Variants in ADGRV1 observed in about 807,000 individuals in gnomAD.
ADGRV1 encodes the protein G-protein coupled receptor 98.
ADGRV1 carries 359 observed loss-of-function variants against 596.2 expected under a neutral mutation model. That is an observed-to-expected ratio of 0.60 (90% CI 0.55 to 0.66). The LOEUF is 0.66. ADGRV1 is among the 30% of genes least tolerant of loss of function. The probability of loss-of-function intolerance (pLI) is 0.00; values close to 1 mark genes in which losing one functional copy is unlikely to be tolerated. For synonymous variants in ADGRV1, 2,681 were observed against 2,679.2 expected (o/e 1.00, Z -0.02); for missense variants, 7,274 against 7,575.6 (o/e 0.96, Z 1.48).
At chr5:90,702,616 T>A (rs1024595398) in intron 34 of ADGRV1, among the ~76,000 whole-genome samples, 1 of 151,908 alleles carries the variant, frequency 6.6e-6, no homozygotes, top group East Asian at 1.9e-4. Context: ...GTTTAAAAAA[T>A]ACTTGAAAAT....
At chr5:91,049,109 A>G (rs1042302235) in intron 85 of ADGRV1, among the ~76,000 whole-genome samples, 1 of 152,218 alleles carries the variant, frequency 6.6e-6, no homozygotes, top group African/African-American at 2.4e-5. Flanking sequence ...ACCAATTGAT[A>G]ATTATCCATG....
intron 50 of ADGRV1, among the ~76,000 whole-genome samples, chr5:90,731,967 G>A (rs1752608421): frequency 2.0e-5 from 3 of 152,150 alleles, no homozygotes; most frequent in South Asian, 4.2e-4. Context: ...TTAATGTCTG[G>A]TTTAATACAT....
At chr5:91,056,958 A>C (rs565058027) in intron 85 of ADGRV1, among the ~76,000 whole-genome samples, 1 of 152,380 alleles carries the variant, frequency 6.6e-6, no homozygotes, top group South Asian at 2.1e-4. Context: ...TAGCAAAAAA[A>C]CCATAAATCG....
At chr5:91,060,066 C>T (rs914420683) in intron 85 of ADGRV1, among the ~76,000 whole-genome samples, 1 of 152,114 alleles carries the variant, frequency 6.6e-6, no homozygotes, top group African/African-American at 2.4e-5. Context: ...GGCTCTGCAA[C>T]AGAGCTGAGT....
At chr5:90,681,278 AT>A (rs368491786) in intron 26 of ADGRV1, 36 bp from the exon 27 acceptor site, 644 of 1,444,798 alleles carry the variant, frequency 4.5e-4, no homozygotes, top group Middle Eastern at 1.1e-3. Flanking sequence ...ACTGATCATC[AT>A]TTTTTTTTTC....
chr5:91,135,042 C>A (rs1349986144), intron 87 of ADGRV1, among the ~76,000 whole-genome samples: 2 of 151,896 alleles, frequency 1.3e-5, no homozygotes, highest in Non-Finnish European at 2.9e-5. Context: ...ATTAGCTGGG[C>A]ATTTGGCACA....
intron 85 of ADGRV1, among the ~76,000 whole-genome samples, chr5:90,987,362 C>T (rs1167667969): frequency 5.3e-5 from 8 of 149,944 alleles, no homozygotes; most frequent in Admixed American, 1.3e-4. Flanking sequence ...CTCAGCTACC[C>T]GGGAGGCTGC....
In ADGRV1 at chr5:91,014,306, G is replaced by T. The variant is rs752602277; in HGVS notation, c.18152+28784G>T. 2.6e-5 allele frequency among the ~76,000 whole-genome samples: 4 copies of T among 151,862 alleles called. No individual in the cohort carries two copies. In the South Asian group the frequency reaches 6.2e-4, roughly 24 times the overall value. On this transcript the variant is annotated intron_variant, in intron 85 of 89. Coordinates refer to ENST00000405460, the MANE Select transcript of ADGRV1 (RefSeq NM_032119.4). ...GTATTTTATTGAGGATTTTTGCATC[G>T]ATGTTTATCAAGGATACTGTGCTGA...
intron 45 of ADGRV1, among the ~76,000 whole-genome samples, chr5:90,723,031 G>A (rs1751293587): frequency 6.6e-6 from 1 of 151,990 alleles, no homozygotes; most frequent in Non-Finnish European, 1.5e-5. Context: ...AAAAGTAAAC[G>A]GTGTCAACCC....
In ADGRV1 at chr5:91,041,541, C is replaced by T. The variant is rs556231186; in HGVS notation, c.18153-30906C>T. On this transcript the variant is annotated intron_variant, in intron 85 of 89. Transcript: ENST00000405460. Reference sequence around the variant, plus strand: ...TAGGAGAAATACCTAATGTAGATGACGGGTTGATGGGTGCAGTAAACCACC... The same window carrying T: ...TAGGAGAAATACCTAATGTAGATGATGGGTTGATGGGTGCAGTAAACCACC... Among the ~76,000 whole-genome samples, 22 of 150,372 alleles carry T rather than the reference C, an allele frequency of 1.5e-4. No individual in the cohort carries two copies. The East Asian group carries it at 2.8e-3, about 19-fold the overall frequency.
At chr5:90,986,088 AAT>A (rs4019336) in intron 85 of ADGRV1, among the ~76,000 whole-genome samples, 95,724 of 141,414 alleles carry the variant, frequency 0.68, 32,296 homozygotes, top group African/African-American at 0.81. Context: ...ATATATGCAT[AAT>A]ATATATATAT....
At chr5:90,847,662 G>C (rs571009717) in intron 78 of ADGRV1, among the ~76,000 whole-genome samples, 1 of 152,190 alleles carries the variant, frequency 6.6e-6, no homozygotes, top group Non-Finnish European at 1.5e-5. Flanking sequence ...GCCCTGCCCC[G>C]CAGGGAGGCA....
intron 85 of ADGRV1, chr5:91,031,017 A>G: frequency 6.7e-7 from 1 of 1,495,646 alleles, no homozygotes. Flanking sequence ...TGCTGATCTG[A>G]TTAGAAACCT....
At chr5:90,581,890 C>T (rs1758110542) in intron 1 of ADGRV1, among the ~76,000 whole-genome samples, 1 of 152,172 alleles carries the variant, frequency 6.6e-6, no homozygotes, top group South Asian at 2.1e-4. Context: ...TGTCTCTACT[C>T]TCATTAGTTT....
chr5:91,027,361 A>G (rs1784105001), intron 85 of ADGRV1, among the ~76,000 whole-genome samples: 1 of 152,102 alleles, frequency 6.6e-6, no homozygotes, highest in Admixed American at 6.6e-5. Flanking sequence ...CAATCTCTTT[A>G]CAATGCCTAC....
At chr5:91,004,005 C>T (rs185175576) in intron 85 of ADGRV1, among the ~76,000 whole-genome samples, 16 of 152,154 alleles carry the variant, frequency 1.1e-4, no homozygotes, top group Admixed American at 9.8e-4. Context: ...TTAAAGTATA[C>T]ATTCAGATTA....
At chr5:90,819,346 T>C (rs974104424) in intron 75 of ADGRV1, among the ~76,000 whole-genome samples, 65 of 151,766 alleles carry the variant, frequency 4.3e-4, no homozygotes, top group African/African-American at 1.4e-3. Flanking sequence ...ATCTATTTTG[T>C]TGATCCTTTC....
At position 90,728,710 on chromosome 5, in the gene ADGRV1, A is replaced by G. The variant is rs1307484299; in HGVS notation, c.10203A>G (p.Lys3401=). 1 of 1,612,026 alleles carries G rather than the reference A, an allele frequency of 6.2e-7. No homozygotes were observed. Among genetic ancestry groups the G allele is most frequent in the Admixed American group, 1.7e-5 (1 of 59,892 alleles). ...GAGGAAGCTTCGTGTTGCATCAAAA[A>G]CTCCCTGTCCGAGGTGTGCTGACCG... ...WNGGSFVLHQ[K]LPVRGVLTVA... Residue 3401 remains lysine (K), a synonymous_variant, in exon 49 of 90, where the codon AAA becomes AAG. Transcript: ENST00000405460.
chr5:91,058,177 G>A (rs1445941302), intron 85 of ADGRV1, among the ~76,000 whole-genome samples: 1 of 152,198 alleles, frequency 6.6e-6, no homozygotes. Context: ...GTGCTGGGCA[G>A]GCCTCAGAAG....
Sources: allele counts gnomAD v4.1 joint callset (sites outside exome capture counted in the v4.1 genomes callset), GRCh38; gene constraint gnomAD v4.1.1; transcripts MANE v1.5; gene names NCBI Gene and HGNC (gene_info 2026-07-23, HGNC 2026-07-21).